PTPRN2: variants seen among roughly 807,000 people sequenced by gnomAD.
PTPRN2 encodes receptor-type tyrosine-protein phosphatase N2.
PTPRN2 carries 74 observed loss-of-function variants against 118.8 expected under a neutral mutation model. That is an observed-to-expected ratio of 0.62 (90% confidence interval 0.52 to 0.76). PTPRN2 has a LOEUF of 0.76. PTPRN2 is among the 30% of genes least tolerant of loss of function. The probability of loss-of-function intolerance (pLI) is 0.00; values close to 1 mark genes in which losing one functional copy is unlikely to be tolerated. For missense variants in PTPRN2, 1,481 were observed against 1,394.4 expected, an observed-to-expected ratio of 1.06 and a Z score of -0.99; for synonymous variants, 641 against 608.0, an observed-to-expected ratio of 1.05 and a Z score of -0.80.
At chr7:158,568,804 T>C (rs1395996590) in intron 1 of PTPRN2, among the ~76,000 whole-genome samples, 1 of 152,152 alleles carries the variant, frequency 6.6e-6, no homozygotes, top group East Asian at 1.9e-4. Flanking sequence ...AAAACTTTCC[T>C]ATCACACTTC....
intron 2 of PTPRN2, among the ~76,000 whole-genome samples, chr7:158,408,100 G>T (rs1343558444): frequency 6.6e-6 from 1 of 152,210 alleles, no homozygotes; most frequent in Non-Finnish European, 1.5e-5. Flanking sequence ...AACGTGACAT[G>T]TAGGATGTGA....
intron 2 of PTPRN2, among the ~76,000 whole-genome samples, chr7:158,372,642 C>T (rs1390354431): frequency 6.7e-6 from 1 of 149,572 alleles, no homozygotes; most frequent in Non-Finnish European, 1.5e-5. Context: ...TGGTCCCCAC[C>T]ACGCTGGTTC....
At chr7:158,363,110 C>G (rs1407481611) in intron 2 of PTPRN2, among the ~76,000 whole-genome samples, 1 of 152,190 alleles carries the variant, frequency 6.6e-6, no homozygotes, top group African/African-American at 2.4e-5. Flanking sequence ...CTCGAAAGCC[C>G]TTTCCCTGGG....
At chr7:158,383,259 TG>T in intron 2 of PTPRN2, among the ~76,000 whole-genome samples, 1 of 152,324 alleles carries the variant, frequency 6.6e-6, no homozygotes, top group Admixed American at 6.5e-5. Flanking sequence ...TCAAAAAAAG[TG>T]ATCAGAGGCA....
chr7:158,142,714 T>G (rs1340171894), intron 6 of PTPRN2, among the ~76,000 whole-genome samples: 2 of 151,854 alleles, frequency 1.3e-5, no homozygotes, highest in Non-Finnish European at 2.9e-5. Flanking sequence ...AGCAACAAAC[T>G]CAGGAAAATA....
At chr7:157,957,232 T>A (rs1053267331) in intron 11 of PTPRN2, among the ~76,000 whole-genome samples, 1 of 152,196 alleles carries the variant, frequency 6.6e-6, no homozygotes, top group African/African-American at 2.4e-5. Flanking sequence ...CTTCCCAGAA[T>A]CTGCAGCACC....
chr7:158,036,667 T>C (rs1261696535), intron 11 of PTPRN2, among the ~76,000 whole-genome samples: 1 of 152,130 alleles, frequency 6.6e-6, no homozygotes, highest in East Asian at 1.9e-4. Context: ...GGAGAAAAAG[T>C]CCAGTAATAT....
intron 21 of PTPRN2, among the ~76,000 whole-genome samples, chr7:157,564,195 G>A (rs1206979999): frequency 3.3e-5 from 5 of 152,176 alleles, no homozygotes; most frequent in Admixed American, 1.3e-4. Context: ...GCAATGGTGC[G>A]ATCTCAGGTC....
At chr7:158,533,222 A>G (rs950341014) in intron 1 of PTPRN2, among the ~76,000 whole-genome samples, 9 of 152,198 alleles carry the variant, frequency 5.9e-5, no homozygotes, top group African/African-American at 2.2e-4. Context: ...TAATTACAGC[A>G]ACATCATCTT....
chr7:158,325,284 C>T (rs545845027), intron 2 of PTPRN2, among the ~76,000 whole-genome samples: 6 of 152,324 alleles, frequency 3.9e-5, no homozygotes, highest in African/African-American at 1.4e-4. Flanking sequence ...TGCTTACAGG[C>T]GCCTGTGGCA....
intron 2 of PTPRN2, among the ~76,000 whole-genome samples, chr7:158,326,499 C>T (rs1033969205): frequency 6.6e-6 from 1 of 152,194 alleles, no homozygotes; most frequent in African/African-American, 2.4e-5. Context: ...ACATTCACAG[C>T]ATGCACACAC....
chr7:157,611,374 G>T lies in PTPRN2; in HGVS notation c.2345-7299C>A, dbSNP rs759138002. On this transcript the variant is annotated intron_variant, in intron 15 of 22. Transcript: ENST00000389418. This position sits in a 1 kb window ranked among gnomAD's most constrained non-coding sequence, Gnocchi z 5.9. ...CACTAGTCTCATCTCAGGCATCTGT[G>T]TAGAAGGAACTCCCCAGGCAGGGCT... Among the ~76,000 whole-genome samples, 11 of 152,152 alleles carry T rather than the reference G, an allele frequency of 7.2e-5. No individual in the cohort carries two copies. Among genetic ancestry groups the T allele is most frequent in the Non-Finnish European group, 1.6e-4 (11 of 68,018 alleles).
At chr7:158,408,106 T>A (rs1813744461) in intron 2 of PTPRN2, among the ~76,000 whole-genome samples, 1 of 152,196 alleles carries the variant, frequency 6.6e-6, no homozygotes, top group African/African-American at 2.4e-5. Context: ...ACATGTAGGA[T>A]GTGATTTGTT....
chr7:157,965,854 A>G (rs1025818819), intron 11 of PTPRN2, among the ~76,000 whole-genome samples: 7 of 152,158 alleles, frequency 4.6e-5, no homozygotes, highest in African/African-American at 1.7e-4. Flanking sequence ...ACTTAACCCA[A>G]AAGTGCACTT....
chr7:157,921,184 A>G (rs2128769767), intron 11 of PTPRN2, among the ~76,000 whole-genome samples: 1 of 152,328 alleles, frequency 6.6e-6, no homozygotes, highest in Non-Finnish European at 1.5e-5. Flanking sequence ...CAGGGCTTGC[A>G]GGAACCTTAA....
chr7:157,667,860 C>T (rs907995501), intron 13 of PTPRN2, among the ~76,000 whole-genome samples: 5 of 152,232 alleles, frequency 3.3e-5, no homozygotes, highest in African/African-American at 1.2e-4. Flanking sequence ...TCGGTGCTGC[C>T]TCCAACACAT....
chr7:158,146,872 G>C (rs115140812), intron 6 of PTPRN2, among the ~76,000 whole-genome samples: 1 of 151,578 alleles, frequency 6.6e-6, no homozygotes, highest in African/African-American at 2.4e-5. Flanking sequence ...CAAGCAAACA[G>C]TTTACAGGGA....
chr7:157,982,824 C>T (rs1217980223), intron 11 of PTPRN2, among the ~76,000 whole-genome samples: 1 of 136,396 alleles, frequency 7.3e-6, no homozygotes, highest in African/African-American at 2.8e-5. Flanking sequence ...CAGGGTCCCC[C>T]CTAAACCCCG....
At chr7:158,352,093 TCCGCTCCCCTCCTGA>T (rs1808014571) in intron 2 of PTPRN2, among the ~76,000 whole-genome samples, 5 of 16,060 alleles carry the variant, frequency 3.1e-4, no homozygotes, top group Admixed American at 1.7e-3. Flanking sequence ...TCCCCTCCTG[TCCGCTCCCCTCCTGA>T]CCGCTCCCCT....
Sources: allele counts gnomAD v4.1 joint callset (sites outside exome capture counted in the v4.1 genomes callset), GRCh38; gene constraint gnomAD v4.1.1; non-coding constraint Gnocchi (gnomAD v3.1); transcripts MANE v1.5; gene names NCBI Gene and HGNC (gene_info 2026-07-23, HGNC 2026-07-21).